The following PTPRT variants were observed in gnomAD, a reference collection of about 807,000 sequenced individuals.
PTPRT encodes the protein protein tyrosine phosphatase receptor type T.
In PTPRT, 56 loss-of-function variants were observed where a neutral mutation model predicts 176.8. The observed-to-expected ratio is 0.32, with a 90% confidence interval of 0.26 to 0.40. The LOEUF (loss-of-function observed/expected upper bound fraction) is 0.40. PTPRT is among the 10% of genes least tolerant of loss of function. The pLI, the probability that PTPRT is intolerant of heterozygous loss-of-function variation, is 1.00. For missense variants in PTPRT, 1,540 were observed against 1,908.2 expected, an observed-to-expected ratio of 0.81 and a Z score of 3.60; for synonymous variants, 783 against 739.0, an observed-to-expected ratio of 1.06 and a Z score of -0.96.
chr20:43,006,377 T>G (rs1042934715), intron 1 of PTPRT, among the ~76,000 whole-genome samples: 1 of 152,244 alleles, frequency 6.6e-6, no homozygotes. Flanking sequence ...TAATTCATTC[T>G]GGTTCTCAAA....
chr20:42,879,756 T>TGTGC (rs1491233904), intron 2 of PTPRT, among the ~76,000 whole-genome samples: 2 of 140,848 alleles, frequency 1.4e-5, no homozygotes, highest in African/African-American at 5.6e-5. Context: ...TGTGTGTGTG[T>TGTGC]GCGCGTGTGT....
At chr20:42,822,605 T>A (rs778761915) in intron 2 of PTPRT, among the ~76,000 whole-genome samples, 56 of 151,494 alleles carry the variant, frequency 3.7e-4, no homozygotes, top group South Asian at 6.3e-4. Context: ...AGCATCAGAG[T>A]GAACAGGCAA....
intron 1 of PTPRT, among the ~76,000 whole-genome samples, chr20:42,967,911 T>C (rs982552358): frequency 6.6e-6 from 1 of 152,148 alleles, no homozygotes; most frequent in Non-Finnish European, 1.5e-5. Context: ...GGCAACCCAA[T>C]GAGGGACATC....
At chr20:42,442,662 AC>A (rs2059327044) in intron 9 of PTPRT, among the ~76,000 whole-genome samples, 1 of 152,210 alleles carries the variant, frequency 6.6e-6, no homozygotes, top group Non-Finnish European at 1.5e-5. Flanking sequence ...CACTTCGTTA[AC>A]CCAGTTGCAA....
At chr20:42,582,985 TAC>T (rs1395563050) in intron 7 of PTPRT, among the ~76,000 whole-genome samples, 1 of 152,134 alleles carries the variant, frequency 6.6e-6, no homozygotes, top group Admixed American at 6.5e-5. Context: ...GCAAACTCTT[TAC>T]AGACAAAAAA....
chr20:42,475,383 G>T (rs1034810169), intron 7 of PTPRT, among the ~76,000 whole-genome samples: 4 of 152,190 alleles, frequency 2.6e-5, no homozygotes, highest in Non-Finnish European at 4.4e-5. Flanking sequence ...CTCACTACCT[G>T]GGAGGAAGGC....
chr20:42,945,009 T>G (rs943526559), intron 1 of PTPRT, among the ~76,000 whole-genome samples: 1 of 151,170 alleles, frequency 6.6e-6, no homozygotes, highest in African/African-American at 2.4e-5. Flanking sequence ...CCAGTGTCAT[T>G]TGTGGCCAGA....
At chr20:42,150,048 G>A (rs1278098668) in intron 17 of PTPRT, among the ~76,000 whole-genome samples, 1 of 152,178 alleles carries the variant, frequency 6.6e-6, no homozygotes, top group Non-Finnish European at 1.5e-5. Flanking sequence ...CTAGAACTGA[G>A]AATGATCGCT....
chr20:42,927,770 C>T (rs1005761228), intron 1 of PTPRT, among the ~76,000 whole-genome samples: 2 of 152,160 alleles, frequency 1.3e-5, no homozygotes, highest in Non-Finnish European at 2.9e-5. Flanking sequence ...TCTTCTGTGG[C>T]CCAGGTATGG....
chr20:43,073,855 G>A (rs2011216770), intron 1 of PTPRT, among the ~76,000 whole-genome samples: 1 of 151,984 alleles, frequency 6.6e-6, no homozygotes, highest in Non-Finnish European at 1.5e-5. Flanking sequence ...GGGCTGAAGA[G>A]ATCCTCCCAC....
At chr20:43,087,810 C>CT (rs1423178817) in intron 1 of PTPRT, among the ~76,000 whole-genome samples, 1 of 152,148 alleles carries the variant, frequency 6.6e-6, no homozygotes, top group African/African-American at 2.4e-5. Context: ...GACACAAACA[C>CT]TGGCCTATGG....
intron 6 of PTPRT, among the ~76,000 whole-genome samples, chr20:42,693,404 A>T (rs2146127486): frequency 6.6e-6 from 1 of 152,358 alleles, no homozygotes; most frequent in East Asian, 1.9e-4. Flanking sequence ...ATTCAAAGCA[A>T]TATTTAAAAA....
chr20:42,868,599 A>C (rs755654889), intron 2 of PTPRT, among the ~76,000 whole-genome samples: 9 of 152,220 alleles, frequency 5.9e-5, no homozygotes, highest in African/African-American at 2.4e-5. Context: ...CAGCCTGGCC[A>C]GGACATAAAG....
At chr20:42,864,329 CAG>C (rs1209632998) in intron 2 of PTPRT, among the ~76,000 whole-genome samples, 2 of 152,114 alleles carry the variant, frequency 1.3e-5, no homozygotes, top group Non-Finnish European at 2.9e-5. Flanking sequence ...ATCACACACA[CAG>C]AGAGAGGAGG....
intron 2 of PTPRT, among the ~76,000 whole-genome samples, chr20:42,843,834 A>T (rs570517270): frequency 6.6e-6 from 1 of 152,380 alleles, no homozygotes; most frequent in Non-Finnish European, 1.5e-5. Context: ...ATCTCTTTAC[A>T]GTGACCTTAA....
At chr20:42,187,699 G>C (rs971386292) in intron 16 of PTPRT, among the ~76,000 whole-genome samples, 2 of 152,158 alleles carry the variant, frequency 1.3e-5, no homozygotes, top group African/African-American at 4.8e-5. Context: ...GATATTGATG[G>C]GGTCTTCTAA....
intron 7 of PTPRT, among the ~76,000 whole-genome samples, chr20:42,583,679 C>T (rs1296290321): frequency 6.6e-6 from 1 of 152,190 alleles, no homozygotes; most frequent in East Asian, 1.9e-4. Context: ...TCGATATTCT[C>T]AAATGGCTTA....
At chr20:42,802,580 C>G (rs1039566598) in intron 2 of PTPRT, among the ~76,000 whole-genome samples, 2 of 152,254 alleles carry the variant, frequency 1.3e-5, no homozygotes, top group African/African-American at 4.8e-5. Flanking sequence ...AAGACTTTGA[C>G]AGCTGTTATC....
At chr20:42,124,430 GA>G (rs1987749331) in intron 19 of PTPRT, among the ~76,000 whole-genome samples, 1 of 152,220 alleles carries the variant, frequency 6.6e-6, no homozygotes, top group Non-Finnish European at 1.5e-5. Context: ...ATTCATAACA[GA>G]TTTAAGTGGC....
Sources: gnomAD v4.1 joint callset for allele counts (sites outside exome capture counted in the v4.1 genomes callset) on GRCh38, gnomAD v4.1.1 for gene constraint, MANE v1.5 for transcripts, NCBI Gene and HGNC (gene_info 2026-07-23, HGNC 2026-07-21) for gene names.